The following CAMTA1 variants were observed in gnomAD, a reference collection of about 807,000 sequenced individuals.
CAMTA1 encodes the protein calmodulin binding transcription activator 1.
Under a neutral mutation model 170.9 loss-of-function variants are expected in CAMTA1, and 27 were observed. That is an observed-to-expected ratio of 0.16 (90% CI 0.12 to 0.22). CAMTA1 has a LOEUF of 0.22. Ranked by LOEUF, CAMTA1 falls within the 10% of genes least tolerant of loss-of-function variation. The pLI is 1.00. For missense variants in CAMTA1, 1,619 were observed against 2,217.2 expected, an observed-to-expected ratio of 0.73 and a Z score of 5.42; for synonymous variants, 833 against 891.5, an observed-to-expected ratio of 0.93 and a Z score of 1.17.
chr1:7,633,180 A>T lies in CAMTA1; in HGVS notation c.511-7220A>T, dbSNP rs1182183131. 6.6e-6 allele frequency among the ~76,000 whole-genome samples: 1 copy of T among 152,210 alleles called. No homozygotes were observed. The highest frequency in any genetic ancestry group is 1.5e-5 in the Non-Finnish European group (1 of 68,036). ...CCCTGCAGTTTGGGTGAAAGGTGCC[A>T]TCTAGAAAAGGTTCTCAAAGAGATT... On this transcript the variant is annotated intron_variant, in intron 6 of 22. Coordinates refer to ENST00000303635, the MANE Select transcript of CAMTA1 (RefSeq NM_015215.4). This position sits in a 1 kb window ranked among gnomAD's most constrained non-coding sequence, Gnocchi z 4.1.
At chr1:7,356,923 G>A (rs974588395) in intron 5 of CAMTA1, among the ~76,000 whole-genome samples, 4 of 152,142 alleles carry the variant, frequency 2.6e-5, no homozygotes, top group Admixed American at 6.5e-5. Flanking sequence ...CCTTGGGCCC[G>A]TGGAAGCTGT....
chr1:7,610,050 G>T (rs1253396429), intron 6 of CAMTA1, among the ~76,000 whole-genome samples: 1 of 152,190 alleles, frequency 6.6e-6, no homozygotes, highest in Non-Finnish European at 1.5e-5. Flanking sequence ...AGGGGGAGCT[G>T]CTTCTCAGGG....
At chr1:7,590,757 C>G (rs113310995) in intron 6 of CAMTA1, among the ~76,000 whole-genome samples, 1 of 152,194 alleles carries the variant, frequency 6.6e-6, no homozygotes, top group African/African-American at 2.4e-5. Context: ...CTCAGAGAGA[C>G]TGGGCAGTGG....
rs912692693 is a variant in CAMTA1 at position 7,532,436 on chromosome 1, C to T, written c.510+64535C>T. Among the ~76,000 whole-genome samples, 4 of 152,098 alleles carry T rather than the reference C, an allele frequency of 2.6e-5. No homozygotes were observed. The highest frequency in any genetic ancestry group is 2.6e-4 in the Admixed American group (4 of 15,286). On this transcript the variant is annotated intron_variant, in intron 6 of 22. Transcript: ENST00000303635. The surrounding 1 kb of genome is among the most constrained non-coding windows in gnomAD (Gnocchi z 4.2). ...TCAGCCTCCCAAGTATCTGGGACTA[C>T]AGGCACACACCCCTGTGCCCAGCTA...
intron 4 of CAMTA1, among the ~76,000 whole-genome samples, chr1:7,164,643 C>T (rs1167351422): frequency 6.6e-6 from 1 of 152,242 alleles, no homozygotes; most frequent in Admixed American, 6.5e-5. Context: ...TTTATATTTG[C>T]AGCTTTGAAA....
At chr1:7,739,917 G>GAC (rs1234244272) in intron 16 of CAMTA1, among the ~76,000 whole-genome samples, 8 of 151,564 alleles carry the variant, frequency 5.3e-5, no homozygotes, top group African/African-American at 1.9e-4. Flanking sequence ...TTTCGGTGAG[G>GAC]ACAGCCAAAC....
At chr1:6,789,275 G>A (rs1472727945) in intron 1 of CAMTA1, among the ~76,000 whole-genome samples, 1 of 152,062 alleles carries the variant, frequency 6.6e-6, no homozygotes. Context: ...TGTTTCCTTA[G>A]TTTTTAGGCT....
intron 5 of CAMTA1, among the ~76,000 whole-genome samples, chr1:7,407,304 G>A (rs984233207): frequency 2.0e-5 from 3 of 152,244 alleles, no homozygotes; most frequent in African/African-American, 7.2e-5. Flanking sequence ...GGCTATTAAA[G>A]CCAGGGCCTT....
In CAMTA1 at chr1:7,565,490, C is replaced by A. The variant is rs1212824618; in HGVS notation, c.511-74910C>A. ...AGGAACAGAGGGCTTGGCTGAGTGT[C>A]CACATCAGGGGCTGGGCTTTCCGCA... On this transcript the variant is annotated intron_variant, in intron 6 of 22. Transcript: ENST00000303635. The surrounding 1 kb of genome is among the most constrained non-coding windows in gnomAD (Gnocchi z 4.5). Among the ~76,000 whole-genome samples the A allele has an allele frequency of 2.0e-5, 3 of 152,184 alleles. No individual in the cohort carries two copies. The highest frequency in any genetic ancestry group is 2.9e-5 in the Non-Finnish European group (2 of 68,022).
At position 7,571,873 on chromosome 1, in the gene CAMTA1, C is replaced by T. The variant is rs886364291; in HGVS notation, c.511-68527C>T. On this transcript the variant is annotated intron_variant, in intron 6 of 22. Transcript: ENST00000303635. ...ATATCCAGTAATGAGATTGCTAGGTCGAATGGGAGTTCTGTTATTAGTTCT... is the reference window on the plus strand; with the variant it reads ...ATATCCAGTAATGAGATTGCTAGGTTGAATGGGAGTTCTGTTATTAGTTCT... Among the ~76,000 whole-genome samples the T allele has an allele frequency of 5.9e-5, 9 of 152,296 alleles. No homozygotes were observed. The South Asian group carries it at 1.0e-3, about 18-fold the overall frequency.
chr1:7,252,113 G>A (rs1666726959), intron 5 of CAMTA1, among the ~76,000 whole-genome samples: 1 of 152,054 alleles, frequency 6.6e-6, no homozygotes, highest in Non-Finnish European at 1.5e-5. Flanking sequence ...TCTTATACAC[G>A]TCTTTTTGGG....
intron 5 of CAMTA1, among the ~76,000 whole-genome samples, chr1:7,414,532 T>C (rs1435904187): frequency 1.3e-5 from 2 of 152,232 alleles, no homozygotes; most frequent in Non-Finnish European, 2.9e-5. Flanking sequence ...CTAGATTTTC[T>C]AGTTTATTTG....
intron 6 of CAMTA1, among the ~76,000 whole-genome samples, chr1:7,525,459 T>A (rs2094420941): frequency 6.6e-6 from 1 of 152,054 alleles, no homozygotes. Flanking sequence ...TTTTTTTTAA[T>A]CAAGGGAACA....
chr1:7,449,378 CCCA>C (rs2092758172), intron 5 of CAMTA1, among the ~76,000 whole-genome samples: 1 of 152,166 alleles, frequency 6.6e-6, no homozygotes, highest in African/African-American at 2.4e-5. Flanking sequence ...CAGAGCAGCT[CCCA>C]CCAGGGTAGG....
intron 5 of CAMTA1, chr1:7,388,089 T>G (rs2088218427): frequency 6.6e-6 from 1 of 152,126 alleles, no homozygotes; most frequent in Non-Finnish European, 1.5e-5. Flanking sequence ...GTCACTAGCC[T>G]TGGGTGGATG....
chr1:7,304,568 G>A (rs7536799), intron 5 of CAMTA1, among the ~76,000 whole-genome samples: 3,935 of 150,100 alleles, frequency 0.026, 170 homozygotes, highest in African/African-American at 0.092. Context: ...GTTTCCTCAA[G>A]CCCTTATCAA....
chr1:6,921,862 C>A (rs1682092356), intron 3 of CAMTA1, among the ~76,000 whole-genome samples: 1 of 152,174 alleles, frequency 6.6e-6, no homozygotes, highest in African/African-American at 2.4e-5. Context: ...GTCCCTCCCA[C>A]AACACATGGG....
chr1:7,263,640 G>C (rs994108234), intron 5 of CAMTA1, among the ~76,000 whole-genome samples: 2 of 152,152 alleles, frequency 1.3e-5, no homozygotes, highest in South Asian at 4.1e-4. Flanking sequence ...GAGCTAGAGA[G>C]CCCAATATTT....
chr1:7,609,872 GATT>G lies in CAMTA1; in HGVS notation c.511-30522_511-30520del, dbSNP rs1368385018. On this transcript the variant is annotated intron_variant, in intron 6 of 22. Coordinates refer to ENST00000303635, the MANE Select transcript of CAMTA1 (RefSeq NM_015215.4). This position sits in a 1 kb window ranked among gnomAD's most constrained non-coding sequence, Gnocchi z 4.4. ...GGTAGAGTCCAAACATGGAAGCTCG[GATT>G]ATTATGTACTGCTCTTACTTCACCT... Among the ~76,000 whole-genome samples, 1 of 152,196 alleles carries G rather than the reference GATT, an allele frequency of 6.6e-6. No individual in the cohort carries two copies. The highest frequency in any genetic ancestry group is 1.5e-5 in the Non-Finnish European group (1 of 68,042).
Sources: gnomAD v4.1 joint callset for allele counts (sites outside exome capture counted in the v4.1 genomes callset) on GRCh38, gnomAD v4.1.1 for gene constraint, Gnocchi (gnomAD v3.1) non-coding constraint, MANE v1.5 for transcripts, NCBI Gene and HGNC (gene_info 2026-07-23, HGNC 2026-07-21) for gene names.